Variants in ABCA1 observed in about 807,000 individuals in gnomAD.
ABCA1 encodes phospholipid-transporting ATPase ABCA1.
A neutral mutation model predicts 262.5 loss-of-function variants in ABCA1; 133 were observed. The ratio of observed to expected loss-of-function variants is 0.51; its 90% CI spans 0.44 to 0.59. ABCA1 has a LOEUF of 0.59. Ranked by LOEUF, ABCA1 falls within the 20% of genes least tolerant of loss-of-function variation. The pLI is 0.00. For synonymous variants in ABCA1, 1,022 were observed against 1,043.5 expected (o/e 0.98, Z 0.40); for missense variants, 2,452 against 2,777.5 (o/e 0.88, Z 2.63).
At chr9:104,886,601 G>A (rs1839198193) in intron 3 of ABCA1, among the ~76,000 whole-genome samples, 1 of 152,192 alleles carries the variant, frequency 6.6e-6, no homozygotes, top group African/African-American at 2.4e-5. Flanking sequence ...AGGAGACACT[G>A]GCACTGTAGA....
Position 104,786,408 on chromosome 9 carries a change from G to C in ABCA1, c.6309-18C>G. 1 of 1,607,766 alleles carries C rather than the reference G, an allele frequency of 6.2e-7. No individual in the cohort carries two copies. Among genetic ancestry groups the C allele is most frequent in the Non-Finnish European group, 8.5e-7 (1 of 1,174,338 alleles). The stretch of plus-strand genomic sequence containing the variant: ...CTTCCATACTGCGGTAAAACAGAAA[G>C]AGGTTTTAGTTTTAGAGAGATTCTC... On this transcript the variant is annotated intron_variant, in intron 47 of 49. Coordinates refer to ENST00000374736, the MANE Select transcript of ABCA1 (RefSeq NM_005502.4).
chr9:104,856,147 CA>C, intron 7 of ABCA1: 1 of 1,507,948 alleles, frequency 6.6e-7, no homozygotes, highest in Non-Finnish European at 8.9e-7. Flanking sequence ...CTGCTTAATG[CA>C]AATCAAGTAT....
intron 25 of ABCA1, among the ~76,000 whole-genome samples, chr9:104,815,564 C>A (rs4149318): frequency 6.6e-6 from 1 of 152,018 alleles, no homozygotes; most frequent in South Asian, 2.1e-4. Context: ...ATTTTTTCAT[C>A]TTTTTTTGAG....
chr9:104,870,405 A>G (rs1462682370), intron 5 of ABCA1, among the ~76,000 whole-genome samples: 1 of 152,168 alleles, frequency 6.6e-6, no homozygotes, highest in South Asian at 2.1e-4. Flanking sequence ...TGAGCCTCCA[A>G]CCCTCTCTGC....
chr9:104,820,765 G>A (rs1832252965), intron 20 of ABCA1, among the ~76,000 whole-genome samples: 1 of 152,046 alleles, frequency 6.6e-6, no homozygotes, highest in South Asian at 2.1e-4. Flanking sequence ...GAGGGTGGCG[G>A]GGGAGAGGAT....
chr9:104,882,028 TAAAAAAAAA>T (rs557626075), intron 5 of ABCA1, among the ~76,000 whole-genome samples: 3,924 of 73,786 alleles, frequency 0.053, 258 homozygotes, highest in East Asian at 0.12. Flanking sequence ...TCTGTAGCCT[TAAAAAAAAA>T]AAAAAAAAAA....
chr9:104,817,205 A>C lies in ABCA1; in HGVS notation c.3535+127T>G. Reference sequence around the variant, plus strand: ...GCTGCTCCCACACCCGCAGCCACCCAGCCCCAGCCCAGCAGCAAACCTTGA... The same window carrying C: ...GCTGCTCCCACACCCGCAGCCACCCCGCCCCAGCCCAGCAGCAAACCTTGA... On this transcript the variant is annotated intron_variant, in intron 24 of 49. Transcript: ENST00000374736. This position sits in a 1 kb window ranked among gnomAD's most constrained non-coding sequence, Gnocchi z 4.7. 6.3e-7 allele frequency: 1 copy of C among 1,578,406 alleles called. No individual in the cohort carries two copies. Among genetic ancestry groups the C allele is most frequent in the Admixed American group, 1.8e-5 (1 of 55,434 alleles).
intron 5 of ABCA1, among the ~76,000 whole-genome samples, chr9:104,863,938 G>A (rs1358092680): frequency 6.6e-6 from 1 of 152,224 alleles, no homozygotes; most frequent in Admixed American, 6.5e-5. Context: ...CCAGTCCCCA[G>A]AGATTCTGAA....
chr9:104,852,592 T>A (rs1164192786), intron 7 of ABCA1, among the ~76,000 whole-genome samples: 1 of 151,886 alleles, frequency 6.6e-6, no homozygotes, highest in Non-Finnish European at 1.5e-5. Flanking sequence ...GTAAATGGAG[T>A]TGAGCAGTCA....
chr9:104,890,060 G>C (rs73504175), intron 2 of ABCA1, among the ~76,000 whole-genome samples: 8,344 of 152,242 alleles, frequency 0.055, 702 homozygotes, highest in African/African-American at 0.18. Flanking sequence ...ATATAATTGA[G>C]CCAGTAGTGT....
intron 1 of ABCA1, among the ~76,000 whole-genome samples, chr9:104,913,393 G>T (rs1251403198): frequency 6.6e-6 from 1 of 152,198 alleles, no homozygotes; most frequent in Non-Finnish European, 1.5e-5. Flanking sequence ...CCAAAAAATA[G>T]AACTGATAAT....
intron 8 of ABCA1, among the ~76,000 whole-genome samples, chr9:104,842,548 T>C (rs1371350281): frequency 1.3e-5 from 2 of 152,144 alleles, no homozygotes; most frequent in Non-Finnish European, 2.9e-5. Flanking sequence ...AGGGGTAAAC[T>C]CTTACTCTTT....
At chr9:104,855,207 CT>C (rs1835735451) in intron 7 of ABCA1, 4 of 977,520 alleles carry the variant, frequency 4.1e-6, no homozygotes, top group East Asian at 1.1e-4. Flanking sequence ...TCTTTTTTTT[CT>C]TTTTCTGAGA....
chr9:104,924,669 C>CACAT (rs1842330928), intron 1 of ABCA1, among the ~76,000 whole-genome samples: 2 of 150,924 alleles, frequency 1.3e-5, no homozygotes, highest in Admixed American at 1.3e-4. Context: ...ATGCAAAAAC[C>CACAT]ACATGCATTT....
intron 3 of ABCA1, among the ~76,000 whole-genome samples, chr9:104,887,876 G>A (rs940639445): frequency 1.3e-5 from 2 of 151,776 alleles, no homozygotes; most frequent in Non-Finnish European, 2.9e-5. Flanking sequence ...ACAGGTGTGC[G>A]CCACCACGCC....
chr9:104,808,205 T>A (rs1830964659), intron 30 of ABCA1, among the ~76,000 whole-genome samples: 1 of 152,162 alleles, frequency 6.6e-6, no homozygotes, highest in East Asian at 1.9e-4. Context: ...TCCGGCAGAC[T>A]GTAGGTGGGG....
intron 9 of ABCA1, among the ~76,000 whole-genome samples, chr9:104,838,281 C>G (rs1250377970): frequency 7.3e-6 from 1 of 137,632 alleles, no homozygotes; most frequent in Non-Finnish European, 1.5e-5. Context: ...CTAGCCCGGG[C>G]AACAAGAGCG....
At chr9:104,832,524 G>A (rs766874970) in intron 12 of ABCA1, 50 bp downstream of exon 12, 4 of 1,592,560 alleles carry the variant, frequency 2.5e-6, no homozygotes, top group Admixed American at 1.7e-5. Context: ...TAACGTCTCA[G>A]AGAAAGAAGC....
chr9:104,793,423 C>T lies in ABCA1; in HGVS notation c.5507-123G>A, dbSNP rs529284371. Reference sequence around the variant, plus strand: ...TTCCAATAAACACAAATGGCTATCACCCATGACAAGGAAAAAAGAGTAACA... The same window carrying T: ...TTCCAATAAACACAAATGGCTATCATCCATGACAAGGAAAAAAGAGTAACA... On this transcript the variant is annotated intron_variant, in intron 40 of 49. Transcript: ENST00000374736. The T allele has an allele frequency of 1.9e-5, 26 of 1,357,588 alleles. No homozygotes were observed. In the South Asian group the frequency reaches 2.7e-4, roughly 14 times the overall value. The allele number at this position is 1,357,588 out of a possible 1,614,324, so 84.1% of individuals were successfully genotyped here.
Sources: gnomAD v4.1 joint callset for allele counts (sites outside exome capture counted in the v4.1 genomes callset) on GRCh38, gnomAD v4.1.1 for gene constraint, Gnocchi (gnomAD v3.1) non-coding constraint, MANE v1.5 for transcripts, NCBI Gene and HGNC (gene_info 2026-07-23, HGNC 2026-07-21) for gene names.